Variants in GABRB3 observed in about 807,000 individuals in gnomAD.
GABRB3 encodes gamma-aminobutyric acid receptor subunit beta-3.
In GABRB3, 14 loss-of-function variants were observed where a neutral mutation model predicts 52.1. The ratio of observed to expected loss-of-function variants is 0.27; its 90% CI spans 0.18 to 0.42. GABRB3 has a LOEUF of 0.42. GABRB3 is among the 10% of genes least tolerant of loss of function. The probability of loss-of-function intolerance (pLI) is 1.00; values close to 1 mark genes in which losing one functional copy is unlikely to be tolerated. For missense variants in GABRB3, 307 were observed against 609.1 expected, an observed-to-expected ratio of 0.50 and a Z score of 5.22; for synonymous variants, 260 against 232.3, an observed-to-expected ratio of 1.12 and a Z score of -1.08.
chr15:26,632,437 C>T (rs1348756976), intron 3 of GABRB3, among the ~76,000 whole-genome samples: 1 of 152,212 alleles, frequency 6.6e-6, no homozygotes, highest in African/African-American at 2.4e-5. Context: ...ATCTGAAAAG[C>T]TGGCATAGGA....
At chr15:26,579,976 TTTCCTTCCTC>T (rs1890729676) in intron 6 of GABRB3, among the ~76,000 whole-genome samples, 1 of 152,232 alleles carries the variant, frequency 6.6e-6, no homozygotes, top group African/African-American at 2.4e-5. Flanking sequence ...GGTCATCCTC[TTTCCTTCCTC>T]TTCCTTCCTG....
chr15:26,554,207 A>ATATATATATATATTTATT (rs1348288306), intron 8 of GABRB3, among the ~76,000 whole-genome samples: 948 of 57,718 alleles, frequency 0.016, 188 homozygotes, highest in Non-Finnish European at 0.03. Context: ...ATATATATAT[A>ATATATATATATATTTATT]TAGTAGAAAC....
At chr15:26,605,471 T>C (rs1891754313) in intron 4 of GABRB3, among the ~76,000 whole-genome samples, 1 of 152,190 alleles carries the variant, frequency 6.6e-6, no homozygotes, top group Non-Finnish European at 1.5e-5. Context: ...TCCATGTTTG[T>C]TGAAACCCAG....
At chr15:26,713,005 A>G (rs1371518557) in intron 3 of GABRB3, among the ~76,000 whole-genome samples, 2 of 152,220 alleles carry the variant, frequency 1.3e-5, no homozygotes, top group Non-Finnish European at 2.9e-5. Flanking sequence ...GCTGGCCAGA[A>G]GCAGCATGCC....
chr15:26,677,674 C>T (rs1888112016), intron 3 of GABRB3, among the ~76,000 whole-genome samples: 1 of 152,184 alleles, frequency 6.6e-6, no homozygotes, highest in South Asian at 2.1e-4. Flanking sequence ...TACAATACTA[C>T]ATTGTGATAT....
intron 6 of GABRB3, among the ~76,000 whole-genome samples, chr15:26,577,345 T>C (rs1246554302): frequency 1.3e-5 from 2 of 152,066 alleles, no homozygotes; most frequent in African/African-American, 2.4e-5. Flanking sequence ...AAACCCCGTC[T>C]CTACTAAAAA....
chr15:26,665,217 C>A (rs1769950044), intron 3 of GABRB3, among the ~76,000 whole-genome samples: 1 of 152,214 alleles, frequency 6.6e-6, no homozygotes, highest in South Asian at 2.1e-4. Flanking sequence ...TATGTTTCTA[C>A]CTGTTAACCA....
intron 3 of GABRB3, among the ~76,000 whole-genome samples, chr15:26,671,601 C>T (rs1376737768): frequency 1.3e-5 from 2 of 152,072 alleles, no homozygotes; most frequent in African/African-American, 2.4e-5. Context: ...GCTGGGGGTG[C>T]TTTATGGATG....
intron 7 of GABRB3, among the ~76,000 whole-genome samples, chr15:26,566,611 C>CA (rs1184634271): frequency 6.6e-6 from 1 of 151,982 alleles, no homozygotes; most frequent in Non-Finnish European, 1.5e-5. Context: ...CTGTTGTCCC[C>CA]ACTGTCCAGG....
chr15:26,553,499 T>C (rs1889558356), intron 8 of GABRB3: 1 of 152,090 alleles, frequency 6.6e-6, no homozygotes, highest in South Asian at 2.1e-4. Flanking sequence ...AATTACGATA[T>C]CAGAAAAGTG....
chr15:26,692,923 C>T (rs1888630251), intron 3 of GABRB3, among the ~76,000 whole-genome samples: 1 of 151,978 alleles, frequency 6.6e-6, no homozygotes, highest in African/African-American at 2.4e-5. Flanking sequence ...AAAAATTTTC[C>T]CTAAAGAGCA....
intron 6 of GABRB3, among the ~76,000 whole-genome samples, chr15:26,572,980 T>A (rs181314979): frequency 6.6e-6 from 1 of 152,236 alleles, no homozygotes; most frequent in Non-Finnish European, 1.5e-5. Context: ...CCTGAATTTA[T>A]ATCATTCTCT....
At chr15:26,554,192 TA>T (rs1567097905) in intron 8 of GABRB3, among the ~76,000 whole-genome samples, 7 of 2,974 alleles carry the variant, frequency 2.4e-3, no homozygotes, top group Admixed American at 7.1e-3. Context: ...ATATATATAC[TA>T]TATATATATA....
chr15:26,590,088 G>A (rs12900771), intron 4 of GABRB3: 47,041 of 151,948 alleles, frequency 0.31, 9,104 homozygotes, highest in Middle Eastern at 0.46. Context: ...TGGTCAAGTG[G>A]TCTCCGTGAA....
At chr15:26,640,137 G>C (rs986873793) in intron 3 of GABRB3, among the ~76,000 whole-genome samples, 5 of 152,152 alleles carry the variant, frequency 3.3e-5, no homozygotes, top group Admixed American at 3.3e-4. Context: ...GAGCTCGAGG[G>C]AGTTATGACA....
intron 3 of GABRB3, chr15:26,656,939 T>A (rs1442801529): frequency 6.6e-6 from 1 of 152,260 alleles, no homozygotes; most frequent in Non-Finnish European, 1.5e-5. Flanking sequence ...ACAGCAATAA[T>A]GATGCTTTAC....
At chr15:26,631,572 T>G (rs1892913850) in intron 3 of GABRB3, among the ~76,000 whole-genome samples, 1 of 152,236 alleles carries the variant, frequency 6.6e-6, no homozygotes, top group Non-Finnish European at 1.5e-5. Flanking sequence ...TGCAGGTAAG[T>G]TGTTCTCAGG....
At chr15:26,749,126 G>GT (rs375362791) in intron 3 of GABRB3, among the ~76,000 whole-genome samples, 32 of 151,178 alleles carry the variant, frequency 2.1e-4, no homozygotes, top group East Asian at 2.0e-4. Flanking sequence ...AAATTTGAGA[G>GT]TTTTTTTTTC....
chr15:26,556,043 G>C (rs1056521870), intron 8 of GABRB3, among the ~76,000 whole-genome samples: 2 of 152,172 alleles, frequency 1.3e-5, no homozygotes, highest in Non-Finnish European at 2.9e-5. Context: ...AGAAAGAAGC[G>C]ATTGTGGGTG....
Sources: allele counts gnomAD v4.1 joint callset (sites outside exome capture counted in the v4.1 genomes callset), GRCh38; gene constraint gnomAD v4.1.1; transcripts MANE v1.5; gene names NCBI Gene and HGNC (gene_info 2026-07-23, HGNC 2026-07-21).